Variants in KIRREL3 observed in about 807,000 individuals in gnomAD.
The protein encoded by KIRREL3 is kin of IRRE-like protein 3.
KIRREL3 carries 36 observed loss-of-function variants against 89.7 expected under a neutral mutation model. The ratio of observed to expected loss-of-function variants is 0.40; its 90% CI spans 0.31 to 0.53. The LOEUF (loss-of-function observed/expected upper bound fraction) is 0.53, where lower values mean the gene tolerates loss of function less well. Ranked by LOEUF, KIRREL3 falls within the 20% of genes least tolerant of loss-of-function variation. The probability of loss-of-function intolerance (pLI) is 0.49; values close to 1 mark genes in which losing one functional copy is unlikely to be tolerated. For synonymous variants in KIRREL3, 445 were observed against 441.4 expected, an observed-to-expected ratio of 1.01 and a Z score of -0.10; for missense variants, 864 against 1,056.6, an observed-to-expected ratio of 0.82 and a Z score of 2.53.
rs1451332086 is a variant in KIRREL3, at chr11:126,685,370, A to C, written c.56-122458T>G. ...CTTCTTGCAGGAGACTTGGAGACAG[A>C]AATTCTTTGGGAAGGAGATGGGGTA... On this transcript the variant is annotated intron_variant, in intron 1 of 16. Coordinates refer to ENST00000525144, the MANE Select transcript of KIRREL3 (RefSeq NM_032531.4). The surrounding 1 kb of genome is among the most constrained non-coding windows in gnomAD (Gnocchi z 5.5). Among the ~76,000 whole-genome samples, 1 of 152,104 alleles carries C rather than the reference A, an allele frequency of 6.6e-6. No individual in the cohort carries two copies.
At chr11:126,665,470 A>G (rs1039867540) in intron 1 of KIRREL3, among the ~76,000 whole-genome samples, 2 of 152,136 alleles carry the variant, frequency 1.3e-5, no homozygotes, top group African/African-American at 2.4e-5. Context: ...AGGTGATGCT[A>G]TTAGGAGGTG....
rs1243689011 is a variant in KIRREL3 at position 126,441,680 on chromosome 11, A to ATTAGCCACC, written c.1253-1140_1253-1132dup. 2.0e-5 allele frequency among the ~76,000 whole-genome samples: 3 copies of ATTAGCCACC among 152,256 alleles called. No individual in the cohort carries two copies. The highest frequency in any genetic ancestry group is 2.0e-4 in the Admixed American group (3 of 15,288). On this transcript the variant is annotated intron_variant, in intron 10 of 16. Coordinates refer to ENST00000525144, the MANE Select transcript of KIRREL3 (RefSeq NM_032531.4). The surrounding 1 kb of genome is among the most constrained non-coding windows in gnomAD (Gnocchi z 5.0). ...ATTGCTGCAAACATAATTGCTGTTT[A>ATTAGCCACC]TTAGCCACCTTAATTAAAGCAGATT...
intron 1 of KIRREL3, among the ~76,000 whole-genome samples, chr11:126,725,524 G>T (rs1387527506): frequency 6.6e-6 from 1 of 152,156 alleles, no homozygotes; most frequent in Non-Finnish European, 1.5e-5. Context: ...CATGCCCATG[G>T]GTTTGCCCCC....
intron 6 of KIRREL3, among the ~76,000 whole-genome samples, chr11:126,460,707 G>A (rs1015697615): frequency 1.3e-5 from 2 of 152,204 alleles, no homozygotes; most frequent in African/African-American, 2.4e-5. Flanking sequence ...CCTGTTGAAC[G>A]ATCTTCTGTG....
intron 1 of KIRREL3, among the ~76,000 whole-genome samples, chr11:126,767,671 G>A (rs922988364): frequency 1.3e-5 from 2 of 152,140 alleles, no homozygotes; most frequent in African/African-American, 4.8e-5. Flanking sequence ...ACTCTTTTAA[G>A]GAATCCCCTC....
At chr11:126,848,960 G>C (rs189261520) in intron 1 of KIRREL3, among the ~76,000 whole-genome samples, 2 of 152,302 alleles carry the variant, frequency 1.3e-5, no homozygotes, top group Admixed American at 1.3e-4. Flanking sequence ...TCTTATAAAA[G>C]GGAGTTGGGA....
At chr11:126,554,191 T>C (rs576838125) in intron 2 of KIRREL3, among the ~76,000 whole-genome samples, 16 of 152,204 alleles carry the variant, frequency 1.1e-4, no homozygotes, top group Non-Finnish European at 2.1e-4. Flanking sequence ...CCCATTAGAA[T>C]GTTTCTCTGA....
rs149751952 is a variant in KIRREL3, at chr11:126,564,917, G to A, written c.56-2005C>T. On this transcript the variant is annotated intron_variant, in intron 1 of 16. Transcript: ENST00000525144. This position sits in a 1 kb window ranked among gnomAD's most constrained non-coding sequence, Gnocchi z 7.4. ...TAACCAGCCCATTGTAATTGCACAC[G>A]CATTGTTCATCATTAGAATGATACA... Among the ~76,000 whole-genome samples, 397 of 152,272 alleles carry A rather than the reference G, an allele frequency of 2.6e-3. No individual in the cohort carries two copies. The highest frequency in any genetic ancestry group is 7.8e-3 in the African/African-American group (325 of 41,554).
At position 126,484,816 on chromosome 11, in the gene KIRREL3, T is replaced by C. The variant is rs959132312; in HGVS notation, c.434-11350A>G. 2.7e-5 allele frequency among the ~76,000 whole-genome samples: 4 copies of C among 150,106 alleles called. No individual in the cohort carries two copies. Among genetic ancestry groups the C allele is most frequent in the African/African-American group, 9.9e-5 (4 of 40,510 alleles). On this transcript the variant is annotated intron_variant, in intron 4 of 16. Transcript: ENST00000525144. The surrounding 1 kb of genome is among the most constrained non-coding windows in gnomAD (Gnocchi z 5.2). Reference sequence around the variant, plus strand: ...TGTGGGGCAAGATGCAAATGGGATTTTTTTTTTTTTTTTTCTGAGACGGAG... The same window carrying C: ...TGTGGGGCAAGATGCAAATGGGATTCTTTTTTTTTTTTTTCTGAGACGGAG...
intron 1 of KIRREL3, among the ~76,000 whole-genome samples, chr11:126,749,695 A>G (rs1453790209): frequency 6.6e-6 from 1 of 152,084 alleles, no homozygotes; most frequent in Non-Finnish European, 1.5e-5. Flanking sequence ...ACAAAAGTCC[A>G]CCCAGTCTTT....
At chr11:126,674,559 C>T (rs1165555336) in intron 1 of KIRREL3, among the ~76,000 whole-genome samples, 2 of 152,200 alleles carry the variant, frequency 1.3e-5, no homozygotes, top group East Asian at 3.8e-4. Context: ...ATCTCCTTTC[C>T]TAATTCCAAG....
chr11:126,860,906 C>T lies in KIRREL3; in HGVS notation c.55+139549G>A. On this transcript the variant is annotated intron_variant, in intron 1 of 16. Transcript: ENST00000525144. The surrounding 1 kb of genome is among the most constrained non-coding windows in gnomAD (Gnocchi z 4.6). ...GAAATACTACCTCCTTTGTACCACT[C>T]TTGGTACGTGCCACCTCCTATACAA... Among the ~76,000 whole-genome samples the T allele has an allele frequency of 6.6e-6, 1 of 152,306 alleles. No individual in the cohort carries two copies. Among genetic ancestry groups the T allele is most frequent in the Non-Finnish European group, 1.5e-5 (1 of 68,022 alleles).
intron 11 of KIRREL3, chr11:126,440,073 G>A: frequency 9.6e-6 from 4 of 415,328 alleles, no homozygotes; most frequent in South Asian, 3.9e-5. Context: ...GAAAGGGGTT[G>A]CCAACTATTA....
At chr11:126,722,263 C>T (rs899604181) in intron 1 of KIRREL3, among the ~76,000 whole-genome samples, 7 of 152,240 alleles carry the variant, frequency 4.6e-5, no homozygotes, top group African/African-American at 1.7e-4. Flanking sequence ...TAGCTGTTCC[C>T]TCTTCCCAAA....
At position 126,669,130 on chromosome 11, in the gene KIRREL3, GTTTTTGCTTTGGT is replaced by G. The variant is rs1945821964; in HGVS notation, c.56-106231_56-106219del. Among the ~76,000 whole-genome samples the G allele has an allele frequency of 6.6e-6, 1 of 152,044 alleles. No individual in the cohort carries two copies. The highest frequency in any genetic ancestry group is 6.5e-5 in the Admixed American group (1 of 15,272). Reference sequence around the variant, plus strand: ...TCCCAACTTGTCTGCTCTTTGTTTTGTTTTTGCTTTGGTTTTTTGCTTCTCTGGGGTATGGGTC... The same window carrying G: ...TCCCAACTTGTCTGCTCTTTGTTTTGTTTTTGCTTCTCTGGGGTATGGGTC... On this transcript the variant is annotated intron_variant, in intron 1 of 16. Coordinates refer to ENST00000525144, the MANE Select transcript of KIRREL3 (RefSeq NM_032531.4). This position sits in a 1 kb window ranked among gnomAD's most constrained non-coding sequence, Gnocchi z 5.0.
At chr11:126,554,151 A>C (rs1206363023) in intron 2 of KIRREL3, among the ~76,000 whole-genome samples, 1 of 152,086 alleles carries the variant, frequency 6.6e-6, no homozygotes, top group Admixed American at 6.5e-5. Context: ...AACCATTTCC[A>C]TTTTATGTAC....
rs368970815 is a variant in KIRREL3 at position 126,431,352 on chromosome 11, C to T, written c.1696+67G>A. ...ATTGCACTCCTGCTTACTTGCTCTC[C>T]GGGGCAGCCTAAGCCTGGCCTTTTT... On this transcript the variant is annotated intron_variant, in intron 14 of 16. Transcript: ENST00000525144. This position sits in a 1 kb window ranked among gnomAD's most constrained non-coding sequence, Gnocchi z 7.1. The T allele has an allele frequency of 4.8e-5, 76 of 1,589,062 alleles. No individual in the cohort carries two copies. Among genetic ancestry groups the T allele is most frequent in the African/African-American group, 1.7e-4 (13 of 74,322 alleles).
chr11:126,441,699 G>T lies in KIRREL3; in HGVS notation c.1253-1150C>A, dbSNP rs1591537694. Among the ~76,000 whole-genome samples, 1 of 152,212 alleles carries T rather than the reference G, an allele frequency of 6.6e-6. No individual in the cohort carries two copies. The highest frequency in any genetic ancestry group is 2.4e-5 in the African/African-American group (1 of 41,458). ...CTGTTTATTAGCCACCTTAATTAAAGCAGATTTGCATTTCTATGAGTAGCT... is the reference window on the plus strand; with the variant it reads ...CTGTTTATTAGCCACCTTAATTAAATCAGATTTGCATTTCTATGAGTAGCT... On this transcript the variant is annotated intron_variant, in intron 10 of 16. Coordinates refer to ENST00000525144, the MANE Select transcript of KIRREL3 (RefSeq NM_032531.4). The surrounding 1 kb of genome is among the most constrained non-coding windows in gnomAD (Gnocchi z 5.0).
intron 7 of KIRREL3, among the ~76,000 whole-genome samples, chr11:126,451,435 T>C (rs1396297704): frequency 2.7e-5 from 4 of 150,840 alleles, no homozygotes; most frequent in South Asian, 2.1e-4. Context: ...AGCGTGTGCA[T>C]GTGTGTGTCC....
Sources: allele counts gnomAD v4.1 joint callset (sites outside exome capture counted in the v4.1 genomes callset), GRCh38; gene constraint gnomAD v4.1.1; non-coding constraint Gnocchi (gnomAD v3.1); transcripts MANE v1.5; gene names NCBI Gene and HGNC (gene_info 2026-07-23, HGNC 2026-07-21).